Variants in SRD5A1 observed in about 807,000 individuals in gnomAD.
The protein encoded by SRD5A1 is 3-oxo-5-alpha-steroid 4-dehydrogenase 1.
Under a neutral mutation model 28.2 loss-of-function variants are expected in SRD5A1, and 22 were observed. The ratio of observed to expected loss-of-function variants is 0.78; its 90% CI spans 0.56 to 1.12. The LOEUF (loss-of-function observed/expected upper bound fraction) is 1.12, where lower values mean the gene tolerates loss of function less well. Ranked by LOEUF, SRD5A1 falls within the 50% of genes most tolerant of loss-of-function variation. The pLI is 0.00. For missense variants in SRD5A1, 300 were observed against 346.7 expected (o/e 0.87, Z 1.07); for synonymous variants, 151 against 135.0 (o/e 1.12, Z -0.82).
intron 1 of SRD5A1, among the ~76,000 whole-genome samples, chr5:6,637,904 T>G (rs1412815411): frequency 6.6e-6 from 1 of 152,224 alleles, no homozygotes; most frequent in East Asian, 1.9e-4. Context: ...TCCTTGTATC[T>G]CTCGTGTAAT....
intron 4 of SRD5A1, 24 bp downstream of exon 4, chr5:6,662,990 A>G (rs765206110): frequency 1.7e-5 from 27 of 1,610,166 alleles, no homozygotes; most frequent in Non-Finnish European, 2.1e-5. Flanking sequence ...CACTTTTACC[A>G]TTTGTAATTT....
At chr5:6,641,678 G>A (rs1445279313) in intron 1 of SRD5A1, among the ~76,000 whole-genome samples, 3 of 152,180 alleles carry the variant, frequency 2.0e-5, no homozygotes, top group Non-Finnish European at 4.4e-5. Context: ...TGTAAGGCTC[G>A]GTTTCCAGTC....
At chr5:6,658,534 G>A (rs1262631717) in intron 3 of SRD5A1, among the ~76,000 whole-genome samples, 1 of 152,238 alleles carries the variant, frequency 6.6e-6, no homozygotes, top group East Asian at 1.9e-4. Context: ...GGCCATCAAT[G>A]GCATCTCTGT....
chr5:6,648,825 C>T (rs1311145782), intron 1 of SRD5A1, among the ~76,000 whole-genome samples: 1 of 152,180 alleles, frequency 6.6e-6, no homozygotes, highest in East Asian at 1.9e-4. Flanking sequence ...AGTTGTGATC[C>T]TTTGGAGGAG....
intron 1 of SRD5A1, among the ~76,000 whole-genome samples, chr5:6,637,835 A>G (rs1227193741): frequency 6.6e-6 from 1 of 152,120 alleles, no homozygotes; most frequent in African/African-American, 2.4e-5. Context: ...ACCTTGTGGG[A>G]CTTTGCTTCT....
chr5:6,636,648 C>T (rs1651075), intron 1 of SRD5A1, among the ~76,000 whole-genome samples: 21,954 of 152,120 alleles, frequency 0.14, 1,753 homozygotes, highest in East Asian at 0.23. Context: ...ACTGACTGTT[C>T]TGGGAACAAT....
rs1011093245 is a variant in SRD5A1, at chr5:6,670,932, G to A, written c.*2664G>A. The A allele has an allele frequency of 1.8e-4, 27 of 152,118 alleles. No individual in the cohort carries two copies. The highest frequency in any genetic ancestry group is 3.4e-4 in the Non-Finnish European group (23 of 68,026). 9.4% of individuals were successfully genotyped at this position (152,118 alleles called of 1,614,324 possible). A position where few individuals can be genotyped will look rare whatever the true frequency, so the allele number is the denominator to read the frequency against. On this transcript the variant is annotated 3_prime_UTR_variant, in exon 5 of 5. Transcript: ENST00000274192. ...TGATGGGCATTTGGGTTGGTTCCACGATTTTGCAGTTGTGAATTGTGCTGC... is the reference window on the plus strand; with the variant it reads ...TGATGGGCATTTGGGTTGGTTCCACAATTTTGCAGTTGTGAATTGTGCTGC...
At chr5:6,639,132 T>C (rs747549653) in intron 1 of SRD5A1, among the ~76,000 whole-genome samples, 3 of 152,248 alleles carry the variant, frequency 2.0e-5, no homozygotes, top group Non-Finnish European at 4.4e-5. Context: ...AAGGGATTAT[T>C]ATTCCAGTTT....
At chr5:6,661,915 T>C (rs1739016500) in intron 3 of SRD5A1, among the ~76,000 whole-genome samples, 1 of 152,200 alleles carries the variant, frequency 6.6e-6, no homozygotes, top group Admixed American at 6.5e-5. Context: ...AGTTGGAACC[T>C]GGGGCAGATC....
intron 4 of SRD5A1, among the ~76,000 whole-genome samples, chr5:6,663,302 T>C (rs1475632212): frequency 2.6e-5 from 4 of 152,180 alleles, no homozygotes; most frequent in African/African-American, 4.8e-5. Context: ...CAATAGCCAA[T>C]GGCCAGCTTG....
rs1370517918 is a variant in SRD5A1, at chr5:6,670,199, A to G, written c.*1931A>G. 1 of 152,200 alleles carries G rather than the reference A, an allele frequency of 6.6e-6. No homozygotes were observed. The allele number at this position is 152,200 out of a possible 1,614,324, so 9.4% of individuals were successfully genotyped here. ...ACTAAGTGGGGAAAACCAGAGAACT[A>G]GGTGTTGGCATCCCAGGAAAAAAAT... On this transcript the variant is annotated 3_prime_UTR_variant, in exon 5 of 5. Transcript: ENST00000274192.
intron 2 of SRD5A1, among the ~76,000 whole-genome samples, chr5:6,655,396 A>G (rs1738800962): frequency 6.6e-6 from 1 of 152,242 alleles, no homozygotes; most frequent in Admixed American, 6.5e-5. Context: ...TCGTAAGAAT[A>G]GGAGAGAAAA....
At chr5:6,646,935 A>C (rs1738527077) in intron 1 of SRD5A1, among the ~76,000 whole-genome samples, 1 of 152,176 alleles carries the variant, frequency 6.6e-6, no homozygotes, top group Non-Finnish European at 1.5e-5. Context: ...TTCCCTCTAC[A>C]CACTGCTTTA....
chr5:6,643,085 G>A (rs1738411902), intron 1 of SRD5A1, among the ~76,000 whole-genome samples: 1 of 151,368 alleles, frequency 6.6e-6, no homozygotes, highest in Non-Finnish European at 1.5e-5. Flanking sequence ...CAACAGCTTA[G>A]CAGATTCCAC....
At chr5:6,664,680 C>G (rs1052892164) in intron 4 of SRD5A1, among the ~76,000 whole-genome samples, 1 of 152,202 alleles carries the variant, frequency 6.6e-6, no homozygotes, top group Non-Finnish European at 1.5e-5. Context: ...TGCTAGGATT[C>G]GAGGCGTGAG....
intron 4 of SRD5A1, among the ~76,000 whole-genome samples, chr5:6,666,221 C>T (rs1739169808): frequency 6.6e-6 from 1 of 152,036 alleles, no homozygotes; most frequent in Non-Finnish European, 1.5e-5. Flanking sequence ...GATCTCGGCT[C>T]ACTGCAAGCT....
intron 1 of SRD5A1, among the ~76,000 whole-genome samples, chr5:6,638,493 G>C (rs1738268021): frequency 6.6e-6 from 1 of 152,200 alleles, no homozygotes; most frequent in African/African-American, 2.4e-5. Context: ...GTTAGTGGGT[G>C]GTTTCTCCTT....
intron 3 of SRD5A1, among the ~76,000 whole-genome samples, chr5:6,661,563 A>C (rs1739003194): frequency 8.1e-6 from 1 of 123,736 alleles, no homozygotes. Context: ...GACAGAGTCT[A>C]GGTCTGTCAC....
In SRD5A1 at chr5:6,662,959, C is replaced by T; in HGVS notation, c.706C>T (p.His236Tyr). ...TTTTTTATCTGGTAGAGCAAAAGAG[C>T]ATCATGAGTAAGTTTTAAAACACTT... ...FCFLSGRAKE[H>Y]HEWYLRKFEE... Residue 236 changes from histidine to tyrosine, a missense_variant, in exon 4 of 5, where the codon CAT becomes TAT. Physicochemically the swap from His to Tyr is moderately conservative, Grantham distance 83. Around this residue, in one of 2 missense-constraint regions of SRD5A1, gnomAD observed 126 missense variants for 185.7 expected, o/e 0.68. Transcript: ENST00000274192. 6.2e-7 allele frequency: 1 copy of T among 1,614,056 alleles called. No individual in the cohort carries two copies. The highest frequency in any genetic ancestry group is 8.5e-7 in the Non-Finnish European group (1 of 1,179,972).
Sources: allele counts gnomAD v4.1 joint callset (sites outside exome capture counted in the v4.1 genomes callset), GRCh38; gene constraint gnomAD v4.1.1; regional missense constraint gnomAD v4.1.1; transcripts MANE v1.5; gene names NCBI Gene and HGNC (gene_info 2026-07-23, HGNC 2026-07-21).